The following PDCD11 variants were observed in gnomAD, a reference collection of about 807,000 sequenced individuals.
PDCD11 encodes the protein programmed cell death 11.
PDCD11 carries 97 observed loss-of-function variants against 198.9 expected under a neutral mutation model. The ratio of observed to expected loss-of-function variants is 0.49; its 90% CI spans 0.41 to 0.58. PDCD11 has a LOEUF of 0.58. PDCD11 is among the 20% of genes least tolerant of loss of function. The probability of loss-of-function intolerance (pLI) is 0.00; values close to 1 mark genes in which losing one functional copy is unlikely to be tolerated. For synonymous variants in PDCD11, 893 were observed against 918.0 expected, an observed-to-expected ratio of 0.97 and a Z score of 0.49; for missense variants, 2,102 against 2,312.7, an observed-to-expected ratio of 0.91 and a Z score of 1.87.
Position 103,439,902 on chromosome 10 carries a change from T to C in PDCD11, c.4148+34T>C, listed in dbSNP as rs758032360. On this transcript the variant is annotated intron_variant, in intron 28 of 35. Transcript: ENST00000369797. The stretch of plus-strand genomic sequence containing the variant: ...CTTCCCGTTCTCTCTCTCTCTGTAA[T>C]GTGAATCAAACCCCTTTCTCCAGGA... The C allele has an allele frequency of 1.1e-5, 18 of 1,613,428 alleles. No individual in the cohort carries two copies. In the Admixed American group the frequency reaches 2.5e-4, roughly 22 times the overall value.
intron 32 of PDCD11, 60 bp downstream of exon 32, chr10:103,442,520 C>T: frequency 6.4e-7 from 1 of 1,572,726 alleles, no homozygotes; most frequent in Non-Finnish European, 8.6e-7. Context: ...GGAAGTTTCT[C>T]AACCTGTGGG....
chr10:103,402,210 C>T (rs2030133746), intron 3 of PDCD11, among the ~76,000 whole-genome samples: 1 of 152,154 alleles, frequency 6.6e-6, no homozygotes, highest in South Asian at 2.1e-4. Flanking sequence ...CCATTGTCTC[C>T]ACTAGCTGGC....
chr10:103,402,039 G>C (rs2030110862), intron 3 of PDCD11, among the ~76,000 whole-genome samples: 1 of 152,182 alleles, frequency 6.6e-6, no homozygotes, highest in African/African-American at 2.4e-5. Flanking sequence ...ACTGCACCTG[G>C]CTGAAAACTA....
intron 13 of PDCD11, 125 bp downstream of exon 13, chr10:103,416,867 G>A (rs891138047): frequency 2.8e-5 from 30 of 1,064,440 alleles, no homozygotes; most frequent in African/African-American, 1.6e-4. Flanking sequence ...GGCAGTGGGT[G>A]TGAGCCGGCT....
Position 103,413,227 on chromosome 10 carries a change from C to G in PDCD11, c.1090C>G (p.Leu364Val). 1 of 1,614,164 alleles carries G rather than the reference C, an allele frequency of 6.2e-7. No homozygotes were observed. Among genetic ancestry groups the G allele is most frequent in the Non-Finnish European group, 8.5e-7 (1 of 1,179,986 alleles). The change falls in exon 9 of 36, where the codon CTT (leucine) becomes GTT (valine). Residue 364 changes from leucine (L) to valine (V), a missense_variant. Coordinates refer to ENST00000369797, the MANE Select transcript of PDCD11 (RefSeq NM_014976.2). ...ACTCACCCGACTCTCTTGCCAGAACCTTGGAGCAGTGCTGGATGATGTTCC... is the reference window on the plus strand; with the variant it reads ...ACTCACCCGACTCTCTTGCCAGAACGTTGGAGCAGTGCTGGATGATGTTCC... ...RPLTRLSCQN[L>V]GAVLDDVPVQ...
At chr10:103,410,234 C>CAA (rs57446089) in intron 8 of PDCD11, among the ~76,000 whole-genome samples, 9 of 93,276 alleles carry the variant, frequency 9.6e-5, no homozygotes, top group Non-Finnish European at 8.8e-5. Flanking sequence ...GACTCCATCT[C>CAA]AAAAAAAAAA....
intron 34 of PDCD11, 149 bp from the exon 35 acceptor site, chr10:103,444,368 A>AC: frequency 1.3e-6 from 1 of 756,864 alleles, no homozygotes; most frequent in South Asian, 1.7e-5. Flanking sequence ...CCCCAAACCC[A>AC]CCCCTTTTGG....
At chr10:103,406,256 T>A in intron 6 of PDCD11, 148 bp downstream of exon 6, 2 of 890,642 alleles carry the variant, frequency 2.2e-6, no homozygotes, top group Non-Finnish European at 3.4e-6. Flanking sequence ...TCCTAGTTAA[T>A]AGGAAAGGAA....
At chr10:103,442,060 C>T (rs2032407135) in intron 31 of PDCD11, 85 bp downstream of exon 31, 1 of 1,573,408 alleles carries the variant, frequency 6.4e-7, no homozygotes, top group Middle Eastern at 1.7e-4. Context: ...TGGGTGTCTT[C>T]CTGGGTGAGT....
At chr10:103,430,244 C>T (rs1306029901) in intron 21 of PDCD11, among the ~76,000 whole-genome samples, 3 of 152,190 alleles carry the variant, frequency 2.0e-5, no homozygotes, top group Non-Finnish European at 4.4e-5. Flanking sequence ...CTGCCTGCCT[C>T]GGCCTCCCAA....
chr10:103,436,791 A>G (rs137908890), intron 25 of PDCD11, among the ~76,000 whole-genome samples: 1 of 152,358 alleles, frequency 6.6e-6, no homozygotes, highest in East Asian at 1.9e-4. Context: ...CTATGATGCC[A>G]CGTTACCAAA....
chr10:103,403,243 C>T lies in PDCD11; in HGVS notation c.360C>T (p.Thr120=), dbSNP rs1250163137. The change falls in exon 4 of 36, where the codon ACC becomes ACT. Residue 120 remains threonine, a synonymous_variant. Coordinates refer to ENST00000369797, the MANE Select transcript of PDCD11 (RefSeq NM_014976.2). ...TCACTGAAATCTGTGATGCCTACAC[C>T]AAAAAGCTGAATGAGCAGGTGACAC... is the stretch of plus-strand genomic sequence containing the variant. ...VQVTEICDAY[T]KKLNEQVTQE... is the part of the protein sequence containing the mutation. 6.2e-7 allele frequency: 1 copy of T among 1,614,122 alleles called. No individual in the cohort carries two copies. Among genetic ancestry groups the T allele is most frequent in the Admixed American group, 1.7e-5 (1 of 60,014 alleles).
In PDCD11 at chr10:103,419,572, T is replaced by C. The variant is rs1487471697; in HGVS notation, c.2141T>C (p.Val714Ala). 2 of 1,613,992 alleles carry C rather than the reference T, an allele frequency of 1.2e-6. No individual in the cohort carries two copies. The highest frequency in any genetic ancestry group is 3.3e-5 in the Admixed American group (2 of 59,996). ...LCRKPALVST[V>A]EGGQDPKNFS... is the part of the protein sequence containing the mutation. ...AGGAAGCCAGCCTTGGTCTCCACAG[T>C]AGAAGGTGGCCAGGATCCCAAGAAC... Residue 714 changes from valine to alanine, a missense_variant, in exon 16 of 36, where the codon GTA becomes GCA. By Grantham distance (64) the Val-to-Ala change is moderately conservative. Transcript: ENST00000369797.
rs1425487567 is a variant in PDCD11, at chr10:103,414,031, C to A, written c.1251C>A (p.His417Gln). 2 of 1,613,244 alleles carry A rather than the reference C, an allele frequency of 1.2e-6. No homozygotes were observed. The highest frequency in any genetic ancestry group is 1.1e-5 in the South Asian group (1 of 91,062). ...AGGCCTTCAAGCCAGGGAACACTCACAAGTGTAGAATTATTGACTACAGCC... is the reference window on the plus strand; with the variant it reads ...AGGCCTTCAAGCCAGGGAACACTCAAAAGTGTAGAATTATTGACTACAGCC... Reference protein sequence around the residue: ...NPEAFKPGNTHKCRIIDYSQM... With the variant: ...NPEAFKPGNTQKCRIIDYSQM... Residue 417 changes from histidine (H) to glutamine (Q), a missense_variant, in exon 10 of 36, where the codon CAC becomes CAA. Coordinates refer to ENST00000369797, the MANE Select transcript of PDCD11 (RefSeq NM_014976.2).
intron 8 of PDCD11, among the ~76,000 whole-genome samples, chr10:103,411,196 T>C (rs1281653376): frequency 1.3e-5 from 2 of 151,794 alleles, no homozygotes; most frequent in Non-Finnish European, 2.9e-5. Flanking sequence ...GGATTACAGG[T>C]GTGAGCCACA....
At chr10:103,398,648 T>C in intron 2 of PDCD11, 120 bp downstream of exon 2, 1 of 681,652 alleles carries the variant, frequency 1.5e-6, no homozygotes, top group Non-Finnish European at 2.6e-6. Context: ...TGAAGTCTAC[T>C]TCTATAAATT....
In PDCD11 at chr10:103,434,914, C is replaced by T. The variant is rs755606935; in HGVS notation, c.3784C>T (p.His1262Tyr). 42 of 1,609,652 alleles carry T rather than the reference C, an allele frequency of 2.6e-5. No homozygotes were observed. Among genetic ancestry groups the T allele is most frequent in the Non-Finnish European group, 3.4e-5 (40 of 1,178,166 alleles). Reference sequence around the variant, plus strand: ...GAAGATAGGAACAGTCAGTATATTTCACATGAGTGACTCCTACTCCGAGAC... The same window carrying T: ...GAAGATAGGAACAGTCAGTATATTTTACATGAGTGACTCCTACTCCGAGAC... ...FGKIGTVSIFHMSDSYSETPL... is the reference protein window; with the variant it reads ...FGKIGTVSIFYMSDSYSETPL... The change falls in exon 25 of 36, where the codon CAC (histidine) becomes TAC (tyrosine). Residue 1262 changes from histidine to tyrosine, a missense_variant. Coordinates refer to ENST00000369797, the MANE Select transcript of PDCD11 (RefSeq NM_014976.2).
Position 103,403,108 on chromosome 10 carries a change from T to A in PDCD11, c.235-10T>A, listed in dbSNP as rs756904814. 6.2e-7 allele frequency: 1 copy of A among 1,613,198 alleles called. No individual in the cohort carries two copies. The highest frequency in any genetic ancestry group is 1.3e-5 in the African/African-American group (1 of 74,900). On this transcript the variant is annotated splice_polypyrimidine_tract_variant and intron_variant, in intron 3 of 35. Transcript: ENST00000369797. ...TCCTTATTGTACACATTTCACTTTT[T>A]CTCTTCTAGTCCCTGTGTGAGGGAA...
chr10:103,418,022 C>A, intron 14 of PDCD11, 90 bp downstream of exon 14: 1 of 1,431,906 alleles, frequency 7.0e-7, no homozygotes, highest in Non-Finnish European at 9.7e-7. Context: ...ACCCACGAAG[C>A]GGAAAGATAG....
Sources: allele counts gnomAD v4.1 joint callset (sites outside exome capture counted in the v4.1 genomes callset), GRCh38; gene constraint gnomAD v4.1.1; transcripts MANE v1.5; gene names NCBI Gene and HGNC (gene_info 2026-07-23, HGNC 2026-07-21).